WWOX: variants seen among roughly 807,000 people sequenced by gnomAD.
The protein encoded by WWOX is WW domain-containing oxidoreductase.
A neutral mutation model predicts 46.2 loss-of-function variants in WWOX; 69 were observed. The observed-to-expected ratio is 1.49, with a 90% CI of 1.23 to 1.82. The LOEUF (loss-of-function observed/expected upper bound fraction) is 1.82, where lower values mean the gene tolerates loss of function less well. WWOX is among the 40% of genes most tolerant of loss of function. WWOX has a pLI of 0.00. For missense variants in WWOX, 919 were observed against 542.6 expected (o/e 1.69, Z -6.89); for synonymous variants, 359 against 202.6 (o/e 1.77, Z -6.56).
At chr16:78,231,677 A>G (rs866439699) in intron 5 of WWOX, among the ~76,000 whole-genome samples, 24 of 152,326 alleles carry the variant, frequency 1.6e-4, no homozygotes, top group Middle Eastern at 3.4e-3. Flanking sequence ...GGCAGAAAAC[A>G]TAATTATTAT....
At chr16:78,732,437 C>G (rs990253269) in intron 8 of WWOX, among the ~76,000 whole-genome samples, 67 of 152,302 alleles carry the variant, frequency 4.4e-4, no homozygotes, top group African/African-American at 1.5e-3. Flanking sequence ...AAGCCAACAA[C>G]TGAGCCCTCA....
chr16:78,570,505 C>G (rs1286295353), intron 8 of WWOX, among the ~76,000 whole-genome samples: 1 of 152,006 alleles, frequency 6.6e-6, no homozygotes, highest in African/African-American at 2.4e-5. Flanking sequence ...TATAGAGATG[C>G]AGTATCGCTT....
intron 8 of WWOX, among the ~76,000 whole-genome samples, chr16:78,982,577 G>A (rs2046703965): frequency 6.6e-6 from 1 of 152,162 alleles, no homozygotes; most frequent in Admixed American, 6.5e-5. Flanking sequence ...TACATGGTTA[G>A]CTAGGCGCTG....
chr16:78,513,353 T>TTA (rs1245312958), intron 8 of WWOX, among the ~76,000 whole-genome samples: 2 of 152,202 alleles, frequency 1.3e-5, no homozygotes, highest in African/African-American at 4.8e-5. Flanking sequence ...AAAGATGTAA[T>TTA]TATTGGGTCG....
chr16:78,170,120 A>G (rs1306061578), intron 5 of WWOX, among the ~76,000 whole-genome samples: 2 of 152,096 alleles, frequency 1.3e-5, no homozygotes, highest in Non-Finnish European at 2.9e-5. Context: ...TGACCCAAGT[A>G]TGTTTGTGGC....
intron 8 of WWOX, among the ~76,000 whole-genome samples, chr16:78,985,140 C>G (rs537415976): frequency 6.6e-6 from 1 of 152,312 alleles, no homozygotes; most frequent in African/African-American, 2.4e-5. Context: ...TTGCAGATGG[C>G]TTTAGCCCCA....
At chr16:78,577,048 C>T (rs117388105) in intron 8 of WWOX, among the ~76,000 whole-genome samples, 46 of 152,268 alleles carry the variant, frequency 3.0e-4, no homozygotes, top group Non-Finnish European at 5.6e-4. Flanking sequence ...CCCATTTCAC[C>T]CATCTCATTC....
chr16:79,100,372 G>A (rs188152636), intron 8 of WWOX, among the ~76,000 whole-genome samples: 16 of 152,252 alleles, frequency 1.1e-4, no homozygotes, highest in South Asian at 2.1e-4. Context: ...TTAGTGATCC[G>A]ATTCAGAAAA....
At chr16:78,233,736 C>A (rs1019243326) in intron 5 of WWOX, among the ~76,000 whole-genome samples, 4 of 152,034 alleles carry the variant, frequency 2.6e-5, no homozygotes, top group Non-Finnish European at 5.9e-5. Flanking sequence ...ACCGTGTTAG[C>A]CAGGATGGTC....
chr16:78,934,528 A>AT (rs1354327889), intron 8 of WWOX, among the ~76,000 whole-genome samples: 1 of 149,672 alleles, frequency 6.7e-6, no homozygotes, highest in African/African-American at 2.5e-5. Flanking sequence ...AAAAAAAAAA[A>AT]AAAGAAACAC....
At chr16:78,287,648 C>A (rs1051015688) in intron 5 of WWOX, among the ~76,000 whole-genome samples, 5 of 152,090 alleles carry the variant, frequency 3.3e-5, no homozygotes, top group African/African-American at 1.2e-4. Context: ...AAGGGACTGG[C>A]TCAATCAAAA....
At chr16:78,913,283 C>A (rs796307448) in intron 8 of WWOX, among the ~76,000 whole-genome samples, 1 of 151,932 alleles carries the variant, frequency 6.6e-6, no homozygotes, top group Non-Finnish European at 1.5e-5. Flanking sequence ...TCAGCAAGCC[C>A]GTTTTTTGCC....
At chr16:78,683,311 G>A (rs2047774492) in intron 8 of WWOX, among the ~76,000 whole-genome samples, 2 of 151,608 alleles carry the variant, frequency 1.3e-5, no homozygotes, top group South Asian at 4.2e-4. Context: ...AGGAGGGCGG[G>A]TGGATTGCCT....
In WWOX at chr16:78,927,989, T is replaced by A. The variant is rs149788117; in HGVS notation, c.1057-283619T>A. 3.9e-3 allele frequency among the ~76,000 whole-genome samples: 599 copies of A among 152,256 alleles called. 10 individuals are homozygous for A. The South Asian group carries it at 0.053, about 14-fold the overall frequency. On this transcript the variant is annotated intron_variant, in intron 8 of 8. Coordinates refer to ENST00000566780, the MANE Select transcript of WWOX (RefSeq NM_016373.4). ...ATCTCAGGGTTTTTGTGTGTGTGTG[T>A]ATGTGTGTGTGCGTGTTATATGAAG...
intron 8 of WWOX, among the ~76,000 whole-genome samples, chr16:79,143,459 C>T (rs757647158): frequency 2.0e-5 from 3 of 152,230 alleles, no homozygotes; most frequent in East Asian, 1.9e-4. Flanking sequence ...TTCTGTGGCT[C>T]GGCTAAGTGG....
intron 4 of WWOX, among the ~76,000 whole-genome samples, chr16:78,162,561 T>A (rs1395892018): frequency 6.6e-6 from 1 of 152,142 alleles, no homozygotes; most frequent in East Asian, 1.9e-4. Flanking sequence ...CACACACATT[T>A]ATACATATAC....
intron 8 of WWOX, among the ~76,000 whole-genome samples, chr16:78,987,651 A>G (rs1486276984): frequency 1.3e-5 from 2 of 152,150 alleles, no homozygotes; most frequent in African/African-American, 2.4e-5. Context: ...ATGATGGTGC[A>G]TATGTCTTTG....
At chr16:78,759,971 C>G (rs527391872) in intron 8 of WWOX, among the ~76,000 whole-genome samples, 1 of 152,316 alleles carries the variant, frequency 6.6e-6, no homozygotes, top group South Asian at 2.1e-4. Flanking sequence ...CTTCTTGCTT[C>G]CCTCTTACAA....
intron 8 of WWOX, among the ~76,000 whole-genome samples, chr16:79,196,156 T>C (rs1393896340): frequency 6.6e-6 from 1 of 152,228 alleles, no homozygotes; most frequent in Non-Finnish European, 1.5e-5. Flanking sequence ...AAAATCATCC[T>C]CTTCTCTGTT....
Sources: allele counts gnomAD v4.1 joint callset (sites outside exome capture counted in the v4.1 genomes callset), GRCh38; gene constraint gnomAD v4.1.1; transcripts MANE v1.5; gene names NCBI Gene and HGNC (gene_info 2026-07-23, HGNC 2026-07-21).